JARID2: variants seen among roughly 807,000 people sequenced by gnomAD.
JARID2 encodes jumonji and AT-rich interaction domain containing 2.
Under a neutral mutation model 125.6 loss-of-function variants are expected in JARID2, and 21 were observed. The observed-to-expected ratio is 0.17, with a 90% CI of 0.12 to 0.24. The LOEUF is 0.24. Ranked by LOEUF, JARID2 falls within the 10% of genes least tolerant of loss-of-function variation. The probability of loss-of-function intolerance (pLI) is 1.00; values close to 1 mark genes in which losing one functional copy is unlikely to be tolerated. For missense variants in JARID2, 1,303 were observed against 1,639.6 expected, an observed-to-expected ratio of 0.79 and a Z score of 3.55; for synonymous variants, 736 against 661.6, an observed-to-expected ratio of 1.11 and a Z score of -1.73.
intron 1 of JARID2, among the ~76,000 whole-genome samples, chr6:15,284,184 A>C (rs1760903864): frequency 6.6e-6 from 1 of 152,150 alleles, no homozygotes; most frequent in Admixed American, 6.5e-5. Flanking sequence ...ATTGAGCTAA[A>C]CACCACCCTC....
chr6:15,513,080 G>C, intron 15 of JARID2, 35 bp downstream of exon 15: 1 of 1,612,978 alleles, frequency 6.2e-7, no homozygotes, highest in Non-Finnish European at 8.5e-7. Context: ...CAGAGAGCTG[G>C]ACCCGGCTGC....
chr6:15,409,833 G>T (rs1359494715), intron 2 of JARID2, among the ~76,000 whole-genome samples: 2 of 152,178 alleles, frequency 1.3e-5, no homozygotes, highest in African/African-American at 4.8e-5. Context: ...TTCCAGAAAG[G>T]ATTTCAGTAT....
chr6:15,419,225 C>G (rs114427383), intron 3 of JARID2, among the ~76,000 whole-genome samples: 3 of 152,110 alleles, frequency 2.0e-5, no homozygotes, highest in Non-Finnish European at 4.4e-5. Context: ...TTATTTTGTT[C>G]TTACAACCTG....
intron 1 of JARID2, among the ~76,000 whole-genome samples, chr6:15,296,452 A>G (rs962829459): frequency 2.2e-4 from 33 of 152,114 alleles, no homozygotes; most frequent in African/African-American, 7.7e-4. Flanking sequence ...TTTTTAATGA[A>G]AAGTTGCAAA....
intron 3 of JARID2, among the ~76,000 whole-genome samples, chr6:15,413,422 C>T (rs900670425): frequency 1.3e-5 from 2 of 152,116 alleles, no homozygotes; most frequent in Non-Finnish European, 2.9e-5. Flanking sequence ...TTTCGTGTTG[C>T]TGTAACAGAA....
intron 3 of JARID2, among the ~76,000 whole-genome samples, chr6:15,432,043 A>G (rs139321664): frequency 5.5e-4 from 84 of 151,744 alleles, no homozygotes; most frequent in African/African-American, 2.0e-3. Context: ...TTACCGGTGG[A>G]GGGTGTCCAG....
chr6:15,315,781 G>A (rs1337242711), intron 1 of JARID2, among the ~76,000 whole-genome samples: 3 of 152,158 alleles, frequency 2.0e-5, no homozygotes, highest in Non-Finnish European at 4.4e-5. Flanking sequence ...GGGAAAGTGC[G>A]TTAATGAAGC....
intron 2 of JARID2, among the ~76,000 whole-genome samples, chr6:15,379,490 G>A (rs957743236): frequency 3.9e-5 from 6 of 152,168 alleles, no homozygotes; most frequent in Admixed American, 2.0e-4. Context: ...CAAATAATGA[G>A]TACACAGAAT....
chr6:15,468,499 G>C, intron 4 of JARID2, 43 bp from the exon 5 acceptor site: 1 of 1,466,276 alleles, frequency 6.8e-7, no homozygotes, highest in Non-Finnish European at 9.0e-7. Flanking sequence ...AAAGGGTGAG[G>C]GTCAAGGCCT....
At chr6:15,392,142 A>C (rs1341999052) in intron 2 of JARID2, among the ~76,000 whole-genome samples, 1 of 151,920 alleles carries the variant, frequency 6.6e-6, no homozygotes. Flanking sequence ...CTTTGTCCAG[A>C]GTATTAGTTG....
intron 1 of JARID2, among the ~76,000 whole-genome samples, chr6:15,296,783 G>A (rs555361751): frequency 2.0e-5 from 3 of 152,314 alleles, no homozygotes; most frequent in Admixed American, 6.5e-5. Flanking sequence ...ACACATTAAG[G>A]TGTTGTAGGC....
At position 15,327,569 on chromosome 6, in the gene JARID2, G is replaced by T. The variant is rs541373790; in HGVS notation, c.46-46548G>T. Among the ~76,000 whole-genome samples the T allele has an allele frequency of 7.2e-5, 11 of 151,916 alleles. No individual in the cohort carries two copies. In the South Asian group the frequency reaches 2.3e-3, roughly 32 times the overall value. Reference sequence around the variant, plus strand: ...TGTGTGTGCGCGTGTGTGTGCGTGTGCATGTGCGTGCATCCCCGCATGCTG... The same window carrying T: ...TGTGTGTGCGCGTGTGTGTGCGTGTTCATGTGCGTGCATCCCCGCATGCTG... On this transcript the variant is annotated intron_variant, in intron 1 of 17. Coordinates refer to ENST00000341776, the MANE Select transcript of JARID2 (RefSeq NM_004973.4).
chr6:15,454,068 T>C (rs1443516871), intron 4 of JARID2, among the ~76,000 whole-genome samples: 7 of 152,192 alleles, frequency 4.6e-5, no homozygotes, highest in Non-Finnish European at 8.8e-5. Flanking sequence ...AATTTCAATT[T>C]AACACTAAGG....
At chr6:15,271,627 A>G (rs1048164382) in intron 1 of JARID2, among the ~76,000 whole-genome samples, 2 of 151,546 alleles carry the variant, frequency 1.3e-5, no homozygotes, top group Non-Finnish European at 2.9e-5. Flanking sequence ...CTGGGCAACA[A>G]TAGTGAGACC....
At chr6:15,256,733 C>G (rs78228776) in intron 1 of JARID2, among the ~76,000 whole-genome samples, 47 of 152,336 alleles carry the variant, frequency 3.1e-4, no homozygotes, top group African/African-American at 1.1e-3. Flanking sequence ...CAGGCTCTTT[C>G]TCCCTGTTGG....
At chr6:15,269,843 T>A (rs1760229886) in intron 1 of JARID2, among the ~76,000 whole-genome samples, 1 of 152,218 alleles carries the variant, frequency 6.6e-6, no homozygotes, top group South Asian at 2.1e-4. Context: ...CCAGGAAGGA[T>A]ACTTAGAATT....
intron 1 of JARID2, among the ~76,000 whole-genome samples, chr6:15,371,758 C>G (rs1764178867): frequency 6.6e-6 from 1 of 152,170 alleles, no homozygotes; most frequent in African/African-American, 2.4e-5. Context: ...TTGTGTTTCT[C>G]TTGTTAGGTT....
At chr6:15,482,588 ATAT>A (rs1769673930) in intron 5 of JARID2, among the ~76,000 whole-genome samples, 1 of 152,222 alleles carries the variant, frequency 6.6e-6, no homozygotes, top group Non-Finnish European at 1.5e-5. Flanking sequence ...GGATACAGCC[ATAT>A]TATGATTGCT....
intron 1 of JARID2, among the ~76,000 whole-genome samples, chr6:15,299,546 G>T (rs557822027): frequency 2.6e-5 from 4 of 152,308 alleles, no homozygotes; most frequent in African/African-American, 7.2e-5. Context: ...GGTAGAGTTG[G>T]ATTTGGAACC....
Sources: gnomAD v4.1 joint callset for allele counts (sites outside exome capture counted in the v4.1 genomes callset) on GRCh38, gnomAD v4.1.1 for gene constraint, MANE v1.5 for transcripts, NCBI Gene and HGNC (gene_info 2026-07-23, HGNC 2026-07-21) for gene names.